The following LRP1B variants were observed in gnomAD, a reference collection of about 807,000 sequenced individuals.
The protein encoded by LRP1B is LDL receptor related protein 1B.
LRP1B carries 217 observed loss-of-function variants against 556.6 expected under a neutral mutation model. The observed-to-expected ratio is 0.39, with a 90% CI of 0.35 to 0.44. The LOEUF (loss-of-function observed/expected upper bound fraction) is 0.44. LRP1B is among the 20% of genes least tolerant of loss of function. LRP1B has a pLI of 1.00. For missense variants in LRP1B, 5,053 were observed against 5,620.8 expected (o/e 0.90, Z 3.23); for synonymous variants, 2,047 against 1,865.8 (o/e 1.10, Z -2.50).
intron 7 of LRP1B, among the ~76,000 whole-genome samples, chr2:141,080,075 A>T (rs1405953393): frequency 6.6e-6 from 1 of 152,202 alleles, no homozygotes; most frequent in Non-Finnish European, 1.5e-5. Context: ...AATAGAGCTC[A>T]CTCTTTTGGA....
intron 2 of LRP1B, among the ~76,000 whole-genome samples, chr2:141,484,750 T>G (rs1447665683): frequency 6.6e-6 from 1 of 152,072 alleles, no homozygotes. Context: ...TCACTCATGA[T>G]TTGGCTCTCT....
At chr2:140,483,860 C>T (rs1382720158) in intron 59 of LRP1B, among the ~76,000 whole-genome samples, 9 of 151,594 alleles carry the variant, frequency 5.9e-5, no homozygotes, top group Admixed American at 1.3e-4. Context: ...AGGCTGGTCT[C>T]GAACTCCTGA....
chr2:140,443,201 T>C (rs1686504902), intron 65 of LRP1B, among the ~76,000 whole-genome samples: 1 of 151,994 alleles, frequency 6.6e-6, no homozygotes. Flanking sequence ...GCTGGGATTA[T>C]AGGCACCTAC....
At chr2:140,358,669 G>T in intron 73 of LRP1B, 152 bp downstream of exon 73, 2 of 745,128 alleles carry the variant, frequency 2.7e-6, no homozygotes, top group Non-Finnish European at 2.1e-6. Flanking sequence ...AATGCTGGTG[G>T]AATATTTTTA....
At chr2:142,050,426 G>A (rs1048091718) in intron 1 of LRP1B, among the ~76,000 whole-genome samples, 1 of 151,966 alleles carries the variant, frequency 6.6e-6, no homozygotes, top group Non-Finnish European at 1.5e-5. Context: ...TGTTTTGACA[G>A]GTGCCATTAT....
rs894108871 is a variant in LRP1B at position 140,233,208 on chromosome 2, C to A, written c.13778G>T (p.Gly4593Val). Reference sequence around the variant, plus strand: ...TGATTATGCCACTGTCTCTCTTATACCAATTTCTATTTTCTTTGGAAGCAG... The same window carrying A: ...TGATTATGCCACTGTCTCTCTTATAACAATTTCTATTTTCTTTGGAAGCAG... The part of the protein sequence containing the change: ...KELLPKKIEI[G>V]IRETVA Residue 4593 changes from glycine (G) to valine (V), a missense_variant, in exon 91 of 91, where the codon GGT becomes GTT. Around this residue, in one of 5 missense-constraint regions of LRP1B, gnomAD observed 551 missense variants for 592.0 expected, o/e 0.93. Coordinates refer to ENST00000389484, the MANE Select transcript of LRP1B (RefSeq NM_018557.3). 6.2e-7 allele frequency: 1 copy of A among 1,600,808 alleles called. No homozygotes were observed. The highest frequency in any genetic ancestry group is 1.3e-5 in the African/African-American group (1 of 74,360).
At chr2:140,959,937 C>T (rs979255901) in intron 18 of LRP1B, among the ~76,000 whole-genome samples, 12 of 151,744 alleles carry the variant, frequency 7.9e-5, no homozygotes, top group African/African-American at 2.7e-4. Context: ...GGAATAGACA[C>T]TTCAGGGCCC....
intron 1 of LRP1B, among the ~76,000 whole-genome samples, chr2:141,821,537 A>G (rs1240824169): frequency 6.6e-6 from 1 of 152,224 alleles, no homozygotes; most frequent in Non-Finnish European, 1.5e-5. Context: ...GAAAAACCTT[A>G]TAAATTGCTA....
At chr2:140,983,563 C>T (rs1360631874) in intron 17 of LRP1B, among the ~76,000 whole-genome samples, 1 of 152,040 alleles carries the variant, frequency 6.6e-6, no homozygotes, top group East Asian at 1.9e-4. Flanking sequence ...AAAATAATTT[C>T]TTAAAAGATA....
At chr2:140,510,314 T>C (rs1287612898) in intron 51 of LRP1B, among the ~76,000 whole-genome samples, 1 of 152,216 alleles carries the variant, frequency 6.6e-6, no homozygotes, top group East Asian at 1.9e-4. Flanking sequence ...TTTATCCTTG[T>C]AAAATGTGGC....
At chr2:141,619,609 T>TA (rs1688431713) in intron 2 of LRP1B, among the ~76,000 whole-genome samples, 1 of 152,190 alleles carries the variant, frequency 6.6e-6, no homozygotes, top group African/African-American at 2.4e-5. Context: ...ATCAACCACA[T>TA]ATTAAAAATG....
chr2:141,833,637 A>C (rs558307004), intron 1 of LRP1B, among the ~76,000 whole-genome samples: 15 of 152,022 alleles, frequency 9.9e-5, no homozygotes, highest in African/African-American at 3.6e-4. Context: ...ATTAAGCATA[A>C]ATTAAAATTA....
intron 11 of LRP1B, among the ~76,000 whole-genome samples, chr2:141,039,297 T>C (rs1157552169): frequency 1.3e-5 from 2 of 152,080 alleles, no homozygotes; most frequent in Non-Finnish European, 2.9e-5. Flanking sequence ...ATAACATTTA[T>C]TATAGCATGT....
chr2:141,916,614 C>G (rs1393063698), intron 1 of LRP1B, among the ~76,000 whole-genome samples: 2 of 150,708 alleles, frequency 1.3e-5, no homozygotes, highest in African/African-American at 2.4e-5. Context: ...GATCTCCTGA[C>G]CTCGTGATCC....
intron 52 of LRP1B, among the ~76,000 whole-genome samples, chr2:140,508,005 G>T (rs1018887643): frequency 6.6e-6 from 1 of 151,968 alleles, no homozygotes; most frequent in African/African-American, 2.4e-5. Context: ...TACATGTCTA[G>T]GTGCTCTTTA....
chr2:140,239,666 G>T, intron 87 of LRP1B, 134 bp from the exon 88 acceptor site: 2 of 515,424 alleles, frequency 3.9e-6, no homozygotes, highest in South Asian at 3.5e-5. Context: ...TTATATTTCG[G>T]GTTCATAATT....
chr2:140,483,640 ATTTTT>A lies in LRP1B; in HGVS notation c.9425+1698_9425+1702del, dbSNP rs1178469364. ...CATATATATATATATATATATATATATTTTTTTTTTTTTTTTTTGAGACACTGTCT... is the reference window on the plus strand; with the variant it reads ...CATATATATATATATATATATATATATTTTTTTTTTTTTGAGACACTGTCT... On this transcript the variant is annotated intron_variant, in intron 59 of 90. Coordinates refer to ENST00000389484, the MANE Select transcript of LRP1B (RefSeq NM_018557.3). 6.1e-3 allele frequency among the ~76,000 whole-genome samples: 430 copies of A among 70,716 alleles called. 3 individuals are homozygous for A. The highest frequency in any genetic ancestry group is 0.017 in the Middle Eastern group (2 of 116). The allele number at this position is 70,716 out of a possible 152,430, so 46.4% of individuals were successfully genotyped here. A position where few individuals can be genotyped will look rare whatever the true frequency, so the allele number is the denominator to read the frequency against.
At chr2:140,966,668 G>C (rs141660772) in intron 18 of LRP1B, among the ~76,000 whole-genome samples, 5,996 of 152,138 alleles carry the variant, frequency 0.039, 157 homozygotes, top group Middle Eastern at 0.071. Flanking sequence ...GAGTTTTTAT[G>C]GTTTTAAGTC....
chr2:141,356,987 A>G (rs535573977), intron 3 of LRP1B, among the ~76,000 whole-genome samples: 21 of 152,154 alleles, frequency 1.4e-4, no homozygotes, highest in African/African-American at 5.1e-4. Context: ...CCAATCAACA[A>G]CAAATAGTCA....
Sources: gnomAD v4.1 joint callset for allele counts (sites outside exome capture counted in the v4.1 genomes callset) on GRCh38, gnomAD v4.1.1 for gene constraint, gnomAD v4.1.1 regional missense constraint, MANE v1.5 for transcripts, NCBI Gene and HGNC (gene_info 2026-07-23, HGNC 2026-07-21) for gene names.